The following RASAL3 variants were observed in gnomAD, a reference collection of about 807,000 sequenced individuals.
RASAL3 encodes the protein RAS protein activator like 3.
RASAL3 carries 74 observed loss-of-function variants against 105.5 expected under a neutral mutation model. That is an observed-to-expected ratio of 0.70 (90% CI 0.58 to 0.85). RASAL3 has a LOEUF of 0.85. Among genes scored for constraint, RASAL3 ranks in the 40% least tolerant of loss-of-function variants. The probability of loss-of-function intolerance (pLI) is 0.00; values close to 1 mark genes in which losing one functional copy is unlikely to be tolerated. For synonymous variants in RASAL3, 579 were observed against 591.6 expected (o/e 0.98, Z 0.31); for missense variants, 1,352 against 1,392.0 (o/e 0.97, Z 0.46).
chr19:15,451,993 C>T (rs1221091141), intron 17 of RASAL3, 52 bp downstream of exon 17: 1 of 1,613,686 alleles, frequency 6.2e-7, no homozygotes, highest in Non-Finnish European at 8.5e-7. Context: ...GCACCGCAAC[C>T]CTTGCTCCTC....
At position 15,457,159 on chromosome 19, in the gene RASAL3, C is replaced by T; in HGVS notation, c.1431+133G>A. ...CGCCGCTTACAGGTGACACTTGGAC[C>T]ACGCCCCTCACACCCCTTCAAGGTG... On this transcript the variant is annotated intron_variant, in intron 9 of 17. Coordinates refer to ENST00000343625, the MANE Select transcript of RASAL3 (RefSeq NM_022904.3). This position sits in a 1 kb window ranked among gnomAD's most constrained non-coding sequence, Gnocchi z 8.6. The T allele has an allele frequency of 1.3e-6, 1 of 783,770 alleles. No homozygotes were observed. The highest frequency in any genetic ancestry group is 1.7e-6 in the Non-Finnish European group (1 of 574,184). 48.6% of individuals were successfully genotyped at this position (783,770 alleles called of 1,614,324 possible).
rs1427162431 is a variant in RASAL3, at chr19:15,461,306, C to A, written c.466-10G>T. 1 of 1,611,506 alleles carries A rather than the reference C, an allele frequency of 6.2e-7. No homozygotes were observed. The highest frequency in any genetic ancestry group is 1.1e-5 in the South Asian group (1 of 90,706). On this transcript the variant is annotated splice_polypyrimidine_tract_variant and intron_variant, in intron 3 of 17. Coordinates refer to ENST00000343625, the MANE Select transcript of RASAL3 (RefSeq NM_022904.3). ...GGGGCCTTCGAGGACCCTGTTCTCC[C>A]GCAGGAGTGGGTAGTCAGAGAGGGG...
chr19:15,452,305 A>C, intron 16 of RASAL3, 197 bp from the exon 17 acceptor site: 1 of 626,232 alleles, frequency 1.6e-6, no homozygotes, highest in Non-Finnish European at 2.9e-6. Context: ...GGACCTATCA[A>C]TCATCCCTTG....
At position 15,452,804 on chromosome 19, in the gene RASAL3, C is replaced by A; in HGVS notation, c.2682G>T (p.Leu894=). 6.4e-7 allele frequency: 1 copy of A among 1,555,080 alleles called. No homozygotes were observed. Among genetic ancestry groups the A allele is most frequent in the Non-Finnish European group, 8.7e-7 (1 of 1,148,788 alleles). ...THRPVNKLAE[L]QCEVAALREE... Reference sequence around the variant, plus strand: ...CACGCAGAGCGGCCACCTCGCACTGCAGCTCTGCCAACTGTGGTGGGAGAG... The same window carrying A: ...CACGCAGAGCGGCCACCTCGCACTGAAGCTCTGCCAACTGTGGTGGGAGAG... Residue 894 remains leucine (L), a synonymous_variant, in exon 16 of 18, where the codon CTG becomes CTT. Coordinates refer to ENST00000343625, the MANE Select transcript of RASAL3 (RefSeq NM_022904.3).
intron 11 of RASAL3, among the ~76,000 whole-genome samples, chr19:15,455,902 C>T (rs928921558): frequency 6.6e-6 from 1 of 152,146 alleles, no homozygotes; most frequent in African/African-American, 2.4e-5. Context: ...CCTCTTGTCT[C>T]GGCCTCCTAA....
intron 8 of RASAL3, 57 bp downstream of exon 8, chr19:15,458,271 G>A (rs991081929): frequency 2.9e-4 from 438 of 1,519,578 alleles, no homozygotes; most frequent in Non-Finnish European, 3.7e-4. Flanking sequence ...AGAGTGGAAG[G>A]GGCGGGCCAG....
At position 15,453,216 on chromosome 19, in the gene RASAL3, G is replaced by C. The variant is rs1329753978; in HGVS notation, c.2561C>G (p.Thr854Ser). Reference sequence around the variant, plus strand: ...CCGAGGCAGCGAGGCGGAGTCCCGGGTCCAAGGCCGGGCGCGGGGCGCTGG... The same window carrying C: ...CCGAGGCAGCGAGGCGGAGTCCCGGCTCCAAGGCCGGGCGCGGGGCGCTGG... ...MGPAPRARPW[T>S]RDSASLPRKP... The change falls in exon 15 of 18, where the codon ACC (threonine) becomes AGC (serine). Residue 854 changes from threonine to serine, a missense_variant. By Grantham distance (58) the Thr-to-Ser change is moderately conservative. Around this residue, in one of 3 missense-constraint regions of RASAL3, gnomAD observed 920 missense variants for 919.6 expected, o/e 1.00. Transcript: ENST00000343625. This position sits in a 1 kb window ranked among gnomAD's most constrained non-coding sequence, Gnocchi z 4.2. 3.7e-6 allele frequency: 6 copies of C among 1,607,428 alleles called. No homozygotes were observed. The South Asian group carries it at 6.7e-5, about 18-fold the overall frequency.
intron 6 of RASAL3, 130 bp from the exon 7 acceptor site, chr19:15,458,785 A>AT: frequency 9.2e-7 from 1 of 1,090,026 alleles, no homozygotes; most frequent in South Asian, 1.7e-5. Context: ...TGCCCCCCCC[A>AT]CCCCCCGCCA....
chr19:15,455,620 C>T (rs1970291143), intron 11 of RASAL3, among the ~76,000 whole-genome samples: 2 of 152,184 alleles, frequency 1.3e-5, no homozygotes, highest in African/African-American at 4.8e-5. Context: ...AACTTCAGGA[C>T]ATCCAGTTAA....
chr19:15,452,783 CA>C lies in RASAL3; in HGVS notation c.2702del (p.Leu901ArgfsTer15). Reference sequence around the variant, plus strand: ...GGGACAGCACTTTCTGCTCCTCACGCAGAGCGGCCACCTCGCACTGCAGCTC... The same window carrying C: ...GGGACAGCACTTTCTGCTCCTCACGCGAGCGGCCACCTCGCACTGCAGCTC... ...LAELQCEVAALREEQKVLSRL... is the reference protein window; with the variant it reads ...LAELQCEVAAXREEQKVLSRL... On this transcript the variant is annotated frameshift_variant, in exon 16 of 18. Coordinates refer to ENST00000343625, the MANE Select transcript of RASAL3 (RefSeq NM_022904.3). LOFTEE classifies it high-confidence loss of function. The C allele has an allele frequency of 6.4e-7, 1 of 1,564,238 alleles. No individual in the cohort carries two copies. The highest frequency in any genetic ancestry group is 8.7e-7 in the Non-Finnish European group (1 of 1,153,946).
At chr19:15,459,318 TCA>T (rs1169130813) in intron 6 of RASAL3, among the ~76,000 whole-genome samples, 4 of 150,968 alleles carry the variant, frequency 2.6e-5, no homozygotes, top group African/African-American at 9.8e-5. Flanking sequence ...CAATCTTGGC[TCA>T]CTGCAATGTC....
chr19:15,464,368 G>GT lies in RASAL3; in HGVS notation c.-11_-10insA. ...GCGACGGTGGGTCCATGGTTGGGGG[G>GT]GGGGGTCTCCTGGGGGACGAGAGAG... On this transcript the variant is annotated 5_prime_UTR_variant, in exon 2 of 18. Coordinates refer to ENST00000343625, the MANE Select transcript of RASAL3 (RefSeq NM_022904.3). 1 of 1,572,352 alleles carries GT rather than the reference G, an allele frequency of 6.4e-7. No individual in the cohort carries two copies. The highest frequency in any genetic ancestry group is 8.7e-7 in the Non-Finnish European group (1 of 1,152,350).
Position 15,456,282 on chromosome 19 carries a change from C to T in RASAL3, c.1577-34G>A, listed in dbSNP as rs1359691953. 1 of 1,603,110 alleles carries T rather than the reference C, an allele frequency of 6.2e-7. No individual in the cohort carries two copies. The highest frequency in any genetic ancestry group is 8.5e-7 in the Non-Finnish European group (1 of 1,172,662). On this transcript the variant is annotated intron_variant, in intron 10 of 17. Coordinates refer to ENST00000343625, the MANE Select transcript of RASAL3 (RefSeq NM_022904.3). This position sits in a 1 kb window ranked among gnomAD's most constrained non-coding sequence, Gnocchi z 4.4. ...CAGCACAGCCAGATAGGGGCTGGGG[C>T]CATGACCACCAAAACCTGCCACACC...
Position 15,456,592 on chromosome 19 carries a change from C to T in RASAL3, c.1486G>A (p.Ala496Thr). The change falls in exon 10 of 18, where the codon GCG becomes ACG. Residue 496 changes from alanine (A) to threonine (T), a missense_variant. By Grantham distance (58) the Ala-to-Thr change is moderately conservative. Coordinates refer to ENST00000343625, the MANE Select transcript of RASAL3 (RefSeq NM_022904.3). This position sits in a 1 kb window ranked among gnomAD's most constrained non-coding sequence, Gnocchi z 4.4. ...AELARCGGRE[A>T]LLFRENTLAT... ...AATGTGTTTTCCCGGAACAGCAGCG[C>T]CTCACGGCCTCCACAGCGCGCCAGC... The T allele has an allele frequency of 6.2e-7, 1 of 1,613,668 alleles. No individual in the cohort carries two copies. The highest frequency in any genetic ancestry group is 8.5e-7 in the Non-Finnish European group (1 of 1,179,796).
chr19:15,452,897 C>G, intron 15 of RASAL3, 82 bp from the exon 16 acceptor site: 1 of 1,468,934 alleles, frequency 6.8e-7, no homozygotes. Flanking sequence ...CAGGCCCAAG[C>G]GCTCAGCGTC....
chr19:15,452,663 A>T lies in RASAL3; in HGVS notation c.2823T>A (p.Arg941=), dbSNP rs1004570897. Residue 941 remains arginine, a synonymous_variant, in exon 16 of 18, where the codon CGT becomes CGA. Coordinates refer to ENST00000343625, the MANE Select transcript of RASAL3 (RefSeq NM_022904.3). ...ATGGAGAGGGCTGGGCTCACCCAGCACGGAGCCTGGAGTCCAGATCCTGCA... is the reference window on the plus strand; with the variant it reads ...ATGGAGAGGGCTGGGCTCACCCAGCTCGGAGCCTGGAGTCCAGATCCTGCA... The part of the protein sequence containing the change: ...GQLQDLDSRL[R]AGSSEFDSEH... The T allele has an allele frequency of 6.5e-7, 1 of 1,545,874 alleles. No homozygotes were observed. Among genetic ancestry groups the T allele is most frequent in the Non-Finnish European group, 8.7e-7 (1 of 1,144,646 alleles).
At position 15,456,949 on chromosome 19, in the gene RASAL3, A is replaced by C; in HGVS notation, c.1432-303T>G. 1 of 469,108 alleles carries C rather than the reference A, an allele frequency of 2.1e-6. No individual in the cohort carries two copies. Among genetic ancestry groups the C allele is most frequent in the Non-Finnish European group, 3.8e-6 (1 of 260,764 alleles). The allele number at this position is 469,108 out of a possible 1,614,324, so 29.1% of individuals were successfully genotyped here. On this transcript the variant is annotated intron_variant, in intron 9 of 17. Coordinates refer to ENST00000343625, the MANE Select transcript of RASAL3 (RefSeq NM_022904.3). This position sits in a 1 kb window ranked among gnomAD's most constrained non-coding sequence, Gnocchi z 4.4. The stretch of plus-strand genomic sequence containing the variant: ...GGTGTCCCGCCCCTTATGGGTGATA[A>C]TTAGGCCCCGCCCCTCACAGCTGAA...
In RASAL3 at chr19:15,457,036, C is replaced by T. The variant is rs1970344089; in HGVS notation, c.1431+256G>A. ...CAGGTGCAGCTCAGCCCCAGCCCCT[C>T]ACAGCTGACGCTCAGGTCCCGCCCT... is the stretch of plus-strand genomic sequence containing the variant. On this transcript the variant is annotated intron_variant, in intron 9 of 17. Transcript: ENST00000343625. This position sits in a 1 kb window ranked among gnomAD's most constrained non-coding sequence, Gnocchi z 8.6. The T allele has an allele frequency of 2.3e-6, 1 of 427,696 alleles. No homozygotes were observed. Among genetic ancestry groups the T allele is most frequent in the South Asian group, 4.3e-5 (1 of 23,296 alleles). 26.5% of individuals were successfully genotyped at this position (427,696 alleles called of 1,614,324 possible). A position where few individuals can be genotyped will look rare whatever the true frequency, so the allele number is the denominator to read the frequency against.
chr19:15,456,557 C>T lies in RASAL3; in HGVS notation c.1521G>A (p.Lys507=). 1 of 1,613,824 alleles carries T rather than the reference C, an allele frequency of 6.2e-7. No homozygotes were observed. The highest frequency in any genetic ancestry group is 8.5e-7 in the Non-Finnish European group (1 of 1,179,804). The change falls in exon 10 of 18, where the codon AAG becomes AAA. Residue 507 remains lysine (K), a synonymous_variant. Coordinates refer to ENST00000343625, the MANE Select transcript of RASAL3 (RefSeq NM_022904.3). The surrounding 1 kb of genome is among the most constrained non-coding windows in gnomAD (Gnocchi z 4.4). ...LLFRENTLAT[K]AIDEYMKLVA... ...CGAGCTTCATGTACTCATCGATAGCCTTGGTGGCCAATGTGTTTTCCCGGA... is the reference window on the plus strand; with the variant it reads ...CGAGCTTCATGTACTCATCGATAGCTTTGGTGGCCAATGTGTTTTCCCGGA...
Sources: allele counts gnomAD v4.1 joint callset (sites outside exome capture counted in the v4.1 genomes callset), GRCh38; gene constraint gnomAD v4.1.1; regional missense constraint gnomAD v4.1.1; non-coding constraint Gnocchi (gnomAD v3.1); transcripts MANE v1.5; gene names NCBI Gene and HGNC (gene_info 2026-07-23, HGNC 2026-07-21).